DOP1A: variants seen among roughly 807,000 people sequenced by gnomAD.
DOP1A encodes DOP1 leucine zipper like protein A, also known as protein DOP1A.
Under a neutral mutation model 267.6 loss-of-function variants are expected in DOP1A, and 90 were observed. That is an observed-to-expected ratio of 0.34 (90% confidence interval 0.28 to 0.40). The LOEUF is 0.40. Ranked by LOEUF, DOP1A falls within the 10% of genes least tolerant of loss-of-function variation. The pLI, the probability that DOP1A is intolerant of heterozygous loss-of-function variation, is 1.00. For synonymous variants in DOP1A, 932 were observed against 999.1 expected, an observed-to-expected ratio of 0.93 and a Z score of 1.27; for missense variants, 2,437 against 2,900.4, an observed-to-expected ratio of 0.84 and a Z score of 3.67.
At chr6:83,167,211 G>A (rs925695116) in intron 38 of DOP1A, 61 of 914,722 alleles carry the variant, frequency 6.7e-5, no homozygotes, top group Non-Finnish European at 7.7e-5. Context: ...CAAGGGTGCC[G>A]TAAGTATGGC....
intron 17 of DOP1A, 41 bp from the exon 18 acceptor site, chr6:83,132,135 T>C (rs769889859): frequency 6.3e-7 from 1 of 1,575,878 alleles, no homozygotes; most frequent in Non-Finnish European, 8.7e-7. Flanking sequence ...TAAATTTTCA[T>C]GTATGGTATT....
chr6:83,107,100 T>A (rs1397577748), intron 4 of DOP1A, among the ~76,000 whole-genome samples: 5 of 151,708 alleles, frequency 3.3e-5, no homozygotes, highest in Non-Finnish European at 7.4e-5. Flanking sequence ...GTTGATAGAG[T>A]TTGGTAGCTT....
In DOP1A at chr6:83,136,013, C is replaced by T. The variant is rs1583060797; in HGVS notation, c.3130+135C>T. On this transcript the variant is annotated intron_variant, in intron 20 of 38. Coordinates refer to ENST00000349129, the MANE Select transcript of DOP1A (RefSeq NM_015018.4). ...GCTTATTTTCTCCCCTCCTCATGCACTAGCAATGCTGTGTGGACCATGTCA... is the reference window on the plus strand; with the variant it reads ...GCTTATTTTCTCCCCTCCTCATGCATTAGCAATGCTGTGTGGACCATGTCA... The T allele has an allele frequency of 5.9e-6, 6 of 1,025,244 alleles. No homozygotes were observed. The East Asian group carries it at 1.0e-4, about 18-fold the overall frequency. The allele number at this position is 1,025,244 out of a possible 1,614,324, so 63.5% of individuals were successfully genotyped here. A position where few individuals can be genotyped will look rare whatever the true frequency, so the allele number is the denominator to read the frequency against.
chr6:83,136,799 T>C (rs1305836164), intron 20 of DOP1A, among the ~76,000 whole-genome samples: 1 of 152,138 alleles, frequency 6.6e-6, no homozygotes, highest in Admixed American at 6.6e-5. Flanking sequence ...TCATCAATGG[T>C]ATCATGATTC....
At chr6:83,104,998 C>T (rs1157407778) in intron 4 of DOP1A, among the ~76,000 whole-genome samples, 1 of 152,156 alleles carries the variant, frequency 6.6e-6, no homozygotes, top group African/African-American at 2.4e-5. Context: ...CCTGTCTATG[C>T]TCCACTCTCC....
chr6:83,155,701 A>C (rs560592416), intron 33 of DOP1A, among the ~76,000 whole-genome samples: 117 of 152,304 alleles, frequency 7.7e-4, no homozygotes, highest in African/African-American at 2.6e-3. Context: ...AAATGGTATT[A>C]GTGGTTTTAC....
intron 10 of DOP1A, 103 bp from the exon 11 acceptor site, chr6:83,121,827 A>G: frequency 8.3e-7 from 1 of 1,210,138 alleles, no homozygotes; most frequent in Non-Finnish European, 1.1e-6. Flanking sequence ...ACTATTTTAA[A>G]AATACTTGTT....
chr6:83,127,166 A>G (rs1375986717), intron 15 of DOP1A, among the ~76,000 whole-genome samples: 1 of 152,184 alleles, frequency 6.6e-6, no homozygotes, highest in Non-Finnish European at 1.5e-5. Flanking sequence ...TGCAAATCTT[A>G]TGACTTCTGG....
At chr6:83,119,898 A>G (rs1776080902) in intron 9 of DOP1A, 41 bp downstream of exon 9, 2 of 1,513,528 alleles carry the variant, frequency 1.3e-6, no homozygotes, top group Non-Finnish European at 1.8e-6. Context: ...CTTACTGACC[A>G]CTAGAGGTAG....
At chr6:83,094,638 T>C (rs1394791450) in intron 1 of DOP1A, among the ~76,000 whole-genome samples, 1 of 152,276 alleles carries the variant, frequency 6.6e-6, no homozygotes, top group Non-Finnish European at 1.5e-5. Context: ...TGATTAATTA[T>C]GTGGAGTGTC....
chr6:83,097,177 T>C, intron 3 of DOP1A, 62 bp downstream of exon 3: 1 of 1,532,742 alleles, frequency 6.5e-7, no homozygotes, highest in Non-Finnish European at 8.8e-7. Flanking sequence ...TTTGTACTTG[T>C]TAGATTTCTC....
At chr6:83,112,714 T>C (rs1213986835) in intron 6 of DOP1A, among the ~76,000 whole-genome samples, 2 of 152,104 alleles carry the variant, frequency 1.3e-5, no homozygotes, top group Non-Finnish European at 2.9e-5. Flanking sequence ...CTACCCACCT[T>C]AGCCTCCCAA....
intron 1 of DOP1A, among the ~76,000 whole-genome samples, chr6:83,080,531 T>C (rs550257838): frequency 2.2e-4 from 33 of 152,302 alleles, no homozygotes; most frequent in African/African-American, 7.2e-4. Context: ...AGGTGCTTAA[T>C]AATAGAATTT....
At chr6:83,111,567 C>A (rs1420540044) in intron 6 of DOP1A, among the ~76,000 whole-genome samples, 1 of 151,846 alleles carries the variant, frequency 6.6e-6, no homozygotes, top group African/African-American at 2.4e-5. Flanking sequence ...TATAGTCCTC[C>A]CAGTGGGTAT....
At chr6:83,159,186 G>A (rs573753955) in intron 36 of DOP1A, among the ~76,000 whole-genome samples, 2 of 152,110 alleles carry the variant, frequency 1.3e-5, no homozygotes, top group Admixed American at 1.3e-4. Flanking sequence ...TATTATTATA[G>A]AGAATTTTCT....
chr6:83,117,503 G>T (rs927028153), intron 7 of DOP1A, among the ~76,000 whole-genome samples: 1 of 152,094 alleles, frequency 6.6e-6, no homozygotes, highest in Non-Finnish European at 1.5e-5. Flanking sequence ...AATATTAAAA[G>T]ACATGCACTC....
In DOP1A at chr6:83,134,332, T is replaced by C. The variant is rs372892278; in HGVS notation, c.2870+45T>C. ...AAGATTTCACAGTCATATATCTTAATGTTGCCTCTTTCCTTGAGTCCACTG... is the reference window on the plus strand; with the variant it reads ...AAGATTTCACAGTCATATATCTTAACGTTGCCTCTTTCCTTGAGTCCACTG... On this transcript the variant is annotated intron_variant, in intron 19 of 38. Transcript: ENST00000349129. 604 of 1,533,580 alleles carry C rather than the reference T, an allele frequency of 3.9e-4. 7 individuals are homozygous for C. In the South Asian group the frequency reaches 5.0e-3, roughly 13 times the overall value. The allele number at this position is 1,533,580 out of a possible 1,614,324, so 95.0% of individuals were successfully genotyped here.
chr6:83,096,133 A>T (rs770370810), intron 1 of DOP1A, among the ~76,000 whole-genome samples: 3 of 152,010 alleles, frequency 2.0e-5, no homozygotes, highest in Non-Finnish European at 2.9e-5. Context: ...ATAGAGGCAG[A>T]GTCTTGCTCT....
At position 83,118,931 on chromosome 6, in the gene DOP1A, A is replaced by C; in HGVS notation, c.824A>C (p.His275Pro). ...ATCAGGATCTTGTCAGCAGCCCTTCATGTAGTGCTAAGGAGGGATATGTCT... is the reference window on the plus strand; with the variant it reads ...ATCAGGATCTTGTCAGCAGCCCTTCCTGTAGTGCTAAGGAGGGATATGTCT... The part of the protein sequence containing the change: ...DMIRILSAAL[H>P]VVLRRDMSLN... The change falls in exon 8 of 39, where the codon CAT (histidine) becomes CCT (proline). Residue 275 changes from histidine to proline, a missense_variant. Physicochemically the swap from His to Pro is moderately conservative, Grantham distance 77. Transcript: ENST00000349129. 6.2e-7 allele frequency: 1 copy of C among 1,613,656 alleles called. No individual in the cohort carries two copies. The highest frequency in any genetic ancestry group is 8.5e-7 in the Non-Finnish European group (1 of 1,179,678).
Sources: gnomAD v4.1 joint callset for allele counts (sites outside exome capture counted in the v4.1 genomes callset) on GRCh38, gnomAD v4.1.1 for gene constraint, MANE v1.5 for transcripts, NCBI Gene and HGNC (gene_info 2026-07-23, HGNC 2026-07-21) for gene names.